The following RAB1B variants were observed in gnomAD, a reference collection of about 807,000 sequenced individuals.
RAB1B encodes the protein ras-related protein Rab-1B.
In RAB1B, 10 loss-of-function variants were observed where a neutral mutation model predicts 24.8. The ratio of observed to expected loss-of-function variants is 0.40; its 90% CI spans 0.25 to 0.68. RAB1B has a LOEUF of 0.68. RAB1B is among the 30% of genes least tolerant of loss of function. The probability of loss-of-function intolerance (pLI) is 0.37; values close to 1 mark genes in which losing one functional copy is unlikely to be tolerated. For missense variants in RAB1B, 154 were observed against 271.2 expected, an observed-to-expected ratio of 0.57 and a Z score of 3.04; for synonymous variants, 99 against 111.7, an observed-to-expected ratio of 0.89 and a Z score of 0.72.
At chr11:66,272,572 T>G in intron 4 of RAB1B, 112 bp downstream of exon 4, 1 of 727,134 alleles carries the variant, frequency 1.4e-6, no homozygotes, top group East Asian at 2.7e-5. Context: ...AGGACACTAT[T>G]TGTCTGCTTA....
At chr11:66,269,526 C>T (rs939461094) in intron 1 of RAB1B, among the ~76,000 whole-genome samples, 4 of 152,204 alleles carry the variant, frequency 2.6e-5, no homozygotes, top group Non-Finnish European at 4.4e-5. Context: ...TTATCTTCTT[C>T]CTTTTCTGCC....
rs1013972998 is a variant in RAB1B at position 66,277,434 on chromosome 11, CAAA to C, written c.*1202_*1204del. 6.6e-6 allele frequency: 1 copy of C among 152,174 alleles called. No homozygotes were observed. The highest frequency in any genetic ancestry group is 2.4e-5 in the African/African-American group (1 of 41,400). 9.4% of individuals were successfully genotyped at this position (152,174 alleles called of 1,614,324 possible). A position where few individuals can be genotyped will look rare whatever the true frequency, so the allele number is the denominator to read the frequency against. ...CCACTTGGGGAAAGATGGAAAAGGA[CAAA>C]AAAAATTAATAAATTTCCATTGGCC... On this transcript the variant is annotated 3_prime_UTR_variant, in exon 6 of 6. Transcript: ENST00000311481.
At chr11:66,269,489 G>A (rs1469857601) in intron 1 of RAB1B, among the ~76,000 whole-genome samples, 2 of 152,208 alleles carry the variant, frequency 1.3e-5, no homozygotes, top group Non-Finnish European at 2.9e-5. Flanking sequence ...CTCATGCCCA[G>A]GACTAATAGT....
At chr11:66,272,771 G>A (rs957959488) in intron 4 of RAB1B, among the ~76,000 whole-genome samples, 4 of 152,088 alleles carry the variant, frequency 2.6e-5, no homozygotes, top group Admixed American at 6.5e-5. Flanking sequence ...GGGCACCTTT[G>A]TGTTGTGGGA....
At position 66,274,296 on chromosome 11, in the gene RAB1B, C is replaced by G. The variant is rs533825168; in HGVS notation, c.280-1508C>G. Among the ~76,000 whole-genome samples, 3 of 152,276 alleles carry G rather than the reference C, an allele frequency of 2.0e-5. No individual in the cohort carries two copies. In the East Asian group the frequency reaches 5.8e-4, roughly 29 times the overall value. On this transcript the variant is annotated intron_variant, in intron 4 of 5. Coordinates refer to ENST00000311481, the MANE Select transcript of RAB1B (RefSeq NM_030981.3). The stretch of plus-strand genomic sequence containing the variant: ...AGCAGTGATGAGGATAATAGCAGCT[C>G]TTGCCAATTAAGCACTTGTTATGAG...
intron 1 of RAB1B, 131 bp from the exon 2 acceptor site, chr11:66,271,666 A>C: frequency 1.6e-6 from 1 of 640,584 alleles, no homozygotes; most frequent in South Asian, 1.8e-5. Flanking sequence ...GTGAGACCTT[A>C]TTGCTAAAAA....
chr11:66,272,004 C>A, intron 2 of RAB1B, 135 bp downstream of exon 2: 1 of 936,462 alleles, frequency 1.1e-6, no homozygotes, highest in Non-Finnish European at 1.8e-6. Context: ...ACCAGCACAT[C>A]TGCCCTGAAC....
chr11:66,275,026 A>G (rs902886750), intron 4 of RAB1B, among the ~76,000 whole-genome samples: 1 of 151,930 alleles, frequency 6.6e-6, no homozygotes, highest in Non-Finnish European at 1.5e-5. Flanking sequence ...GGCCTGGTCT[A>G]TTCATCTACT....
Position 66,276,444 on chromosome 11 carries a change from C to T in RAB1B, c.*206C>T. The stretch of plus-strand genomic sequence containing the variant: ...GTCCCTAAGGGAGGACACTCAGGGC[C>T]TGTGGCCAGGCAGGGCGGAGGCCTG... On this transcript the variant is annotated 3_prime_UTR_variant, in exon 6 of 6. Transcript: ENST00000311481. 1 of 562,652 alleles carries T rather than the reference C, an allele frequency of 1.8e-6. No individual in the cohort carries two copies. Among genetic ancestry groups the T allele is most frequent in the Non-Finnish European group, 3.0e-6 (1 of 330,678 alleles). 34.9% of individuals were successfully genotyped at this position (562,652 alleles called of 1,614,324 possible).
chr11:66,274,548 C>T (rs1270863642), intron 4 of RAB1B, among the ~76,000 whole-genome samples: 1 of 152,154 alleles, frequency 6.6e-6, no homozygotes, highest in Non-Finnish European at 1.5e-5. Context: ...CCCAGTTGGT[C>T]TCTATCTTGC....
intron 1 of RAB1B, chr11:66,269,881 T>G (rs953032671): frequency 6.6e-6 from 1 of 152,124 alleles, no homozygotes; most frequent in Non-Finnish European, 1.5e-5. Context: ...TGCCTTTTTT[T>G]TTTTTTATTT....
intron 4 of RAB1B, 23 bp downstream of exon 4, chr11:66,272,483 C>T (rs753546273): frequency 9.3e-6 from 14 of 1,503,466 alleles, no homozygotes; most frequent in Non-Finnish European, 7.2e-6. Flanking sequence ...TAGCCATCCT[C>T]AGCTTGGCCT....
intron 2 of RAB1B, 127 bp downstream of exon 2, chr11:66,271,996 C>A: frequency 1.1e-6 from 1 of 946,286 alleles, no homozygotes; most frequent in Admixed American, 1.7e-5. Context: ...GACCTGCCAC[C>A]AGCACATCTG....
At chr11:66,268,743 A>C in intron 1 of RAB1B, 50 bp downstream of exon 1, 1 of 1,529,456 alleles carries the variant, frequency 6.5e-7, no homozygotes, top group African/African-American at 1.4e-5. Context: ...TCCCGAATAC[A>C]GGGCTGTACG....
chr11:66,268,975 A>G (rs1234528288), intron 1 of RAB1B, among the ~76,000 whole-genome samples: 1 of 152,106 alleles, frequency 6.6e-6, no homozygotes, highest in African/African-American at 2.4e-5. Flanking sequence ...CTTATCGGTC[A>G]GATGACCCCG....
chr11:66,273,783 A>T (rs544375056), intron 4 of RAB1B, among the ~76,000 whole-genome samples: 2 of 152,264 alleles, frequency 1.3e-5, no homozygotes, highest in Admixed American at 6.5e-5. Flanking sequence ...TGTTTTCTAG[A>T]TGAGGAAACT....
At chr11:66,271,595 C>T (rs1314240948) in intron 1 of RAB1B, 13 of 485,964 alleles carry the variant, frequency 2.7e-5, no homozygotes, top group South Asian at 5.1e-5. Flanking sequence ...ACTTTGAGCC[C>T]GCAAGGTAGA....
chr11:66,272,597 GA>G, intron 4 of RAB1B, 137 bp downstream of exon 4: 1 of 573,258 alleles, frequency 1.7e-6, no homozygotes, highest in Non-Finnish European at 3.1e-6. Flanking sequence ...AACTAACTAG[GA>G]AAAAGAAAAA....
Position 66,275,407 on chromosome 11 carries a change from C to T in RAB1B, c.280-397C>T, listed in dbSNP as rs562693223. Among the ~76,000 whole-genome samples the T allele has an allele frequency of 9.8e-5, 15 of 152,352 alleles. No homozygotes were observed. The South Asian group carries it at 2.9e-3, about 29-fold the overall frequency. ...AGGCTTCAAACCTTAAAGGGATTTT[C>T]AGGCCACGGTGGGAACTGTGGCTCT... is the stretch of plus-strand genomic sequence containing the variant. On this transcript the variant is annotated intron_variant, in intron 4 of 5. Coordinates refer to ENST00000311481, the MANE Select transcript of RAB1B (RefSeq NM_030981.3).
Sources: allele counts gnomAD v4.1 joint callset (sites outside exome capture counted in the v4.1 genomes callset), GRCh38; gene constraint gnomAD v4.1.1; transcripts MANE v1.5; gene names NCBI Gene and HGNC (gene_info 2026-07-23, HGNC 2026-07-21).